TMCC3: variants seen among roughly 807,000 people sequenced by gnomAD.
The protein encoded by TMCC3 is transmembrane and coiled-coil domain family 3, also known as transmembrane and coiled-coil domain protein 3.
A neutral mutation model predicts 40.2 loss-of-function variants in TMCC3; 28 were observed. The ratio of observed to expected loss-of-function variants is 0.70; its 90% confidence interval spans 0.52 to 0.95. TMCC3 has a LOEUF of 0.95. TMCC3 is among the 40% of genes least tolerant of loss of function. The pLI is 0.00. For synonymous variants in TMCC3, 255 were observed against 248.5 expected, an observed-to-expected ratio of 1.03 and a Z score of -0.25; for missense variants, 554 against 615.2, an observed-to-expected ratio of 0.90 and a Z score of 1.05.
intron 1 of TMCC3, chr12:94,644,372 T>C: frequency 1.0e-6 from 1 of 985,388 alleles, no homozygotes; most frequent in Non-Finnish European, 1.2e-6. Context: ...ATTTTCCAAG[T>C]AGGACTAGGT....
chr12:94,630,462 G>A (rs1015791198), intron 1 of TMCC3, among the ~76,000 whole-genome samples: 9 of 152,098 alleles, frequency 5.9e-5, no homozygotes, highest in Non-Finnish European at 1.0e-4. Flanking sequence ...TCAGGTTCTA[G>A]CCTTTTCACT....
At chr12:94,571,758 A>C (rs778850905) in intron 3 of TMCC3, 21 bp from the exon 4 acceptor site, 16 of 1,611,592 alleles carry the variant, frequency 9.9e-6, no homozygotes, top group Non-Finnish European at 1.2e-5. Context: ...GAGGGAGAGC[A>C]AGGGTCAAAC....
At chr12:94,637,765 G>T (rs2068967867) in intron 1 of TMCC3, among the ~76,000 whole-genome samples, 1 of 152,188 alleles carries the variant, frequency 6.6e-6, no homozygotes, top group South Asian at 2.1e-4. Context: ...CATACATGGG[G>T]ATCCTGTGCA....
rs780024833 is a variant in TMCC3 at position 94,582,500 on chromosome 12, C to CAGGG, written c.113_116dup (p.Asn40ProfsTer15). On this transcript the variant is annotated frameshift_variant, in exon 2 of 4. Transcript: ENST00000261226. LOFTEE classifies it high-confidence loss of function. The stretch of plus-strand genomic sequence containing the variant: ...TGTCTGACCCCCCTCGGCGTATGTT[C>CAGGG]AGGGGCAGGCTTAAGGTATTCATGT... The CAGGG allele has an allele frequency of 6.2e-7, 1 of 1,613,306 alleles. No individual in the cohort carries two copies. The highest frequency in any genetic ancestry group is 1.3e-5 in the African/African-American group (1 of 74,880).
At chr12:94,610,463 A>G (rs2068809314) in intron 1 of TMCC3, among the ~76,000 whole-genome samples, 1 of 152,058 alleles carries the variant, frequency 6.6e-6, no homozygotes, top group Non-Finnish European at 1.5e-5. Flanking sequence ...CAAGAGATAT[A>G]AAGAACAGAA....
intron 1 of TMCC3, among the ~76,000 whole-genome samples, chr12:94,596,889 T>C (rs1456357678): frequency 6.6e-6 from 1 of 152,016 alleles, no homozygotes; most frequent in African/African-American, 2.4e-5. Context: ...GAACCACGAA[T>C]GGTTCATGGC....
In TMCC3 at chr12:94,582,529, G is replaced by A. The variant is rs939817867; in HGVS notation, c.88C>T (p.His30Tyr). Residue 30 changes from histidine (H) to tyrosine (Y), a missense_variant, in exon 2 of 4, where the codon CAT (histidine) becomes TAT (tyrosine). Coordinates refer to ENST00000261226, the MANE Select transcript of TMCC3 (RefSeq NM_020698.4). ...GGCAGGCTTAAGGTATTCATGTCAT[G>A]ACGTTCTACCTGAAAGAGACAGGAA... ...HHRCKSRVERHDMNTLSLPLN... is the reference protein window; with the variant it reads ...HHRCKSRVERYDMNTLSLPLN... 1.9e-6 allele frequency: 3 copies of A among 1,600,124 alleles called. No individual in the cohort carries two copies. Among genetic ancestry groups the A allele is most frequent in the Non-Finnish European group, 1.7e-6 (2 of 1,174,290 alleles).
At chr12:94,589,077 C>T (rs1349552199) in intron 1 of TMCC3, among the ~76,000 whole-genome samples, 1 of 152,088 alleles carries the variant, frequency 6.6e-6, no homozygotes, top group Non-Finnish European at 1.5e-5. Flanking sequence ...CCCACATCGG[C>T]CCCCCAAAGT....
chr12:94,644,296 C>T, intron 1 of TMCC3: 1 of 786,920 alleles, frequency 1.3e-6, no homozygotes, highest in East Asian at 1.3e-4. Context: ...CCACTGAAAA[C>T]ATGAAAACAC....
intron 1 of TMCC3, among the ~76,000 whole-genome samples, chr12:94,597,714 G>C (rs557871009): frequency 6.6e-6 from 1 of 152,168 alleles, no homozygotes; most frequent in East Asian, 1.9e-4. Flanking sequence ...GGCTGAGGCA[G>C]GAGAATCGCT....
At chr12:94,640,193 A>G (rs1229699398) in intron 1 of TMCC3, among the ~76,000 whole-genome samples, 1 of 152,208 alleles carries the variant, frequency 6.6e-6, no homozygotes, top group African/African-American at 2.4e-5. Flanking sequence ...TTGTTGAGAC[A>G]GGGTCTCGCC....
At chr12:94,635,660 G>GTTTTTTT (rs63480462) in intron 1 of TMCC3, among the ~76,000 whole-genome samples, 9 of 89,296 alleles carry the variant, frequency 1.0e-4, no homozygotes, top group East Asian at 3.5e-4. Context: ...GTGTATGTGG[G>GTTTTTTT]TTTTTTTTTT....
intron 1 of TMCC3, among the ~76,000 whole-genome samples, chr12:94,643,877 T>C (rs536677323): frequency 3.1e-4 from 47 of 152,340 alleles, no homozygotes; most frequent in Admixed American, 9.1e-4. Flanking sequence ...AGCTCTACCA[T>C]AGTTTCCTAA....
chr12:94,629,601 G>A (rs145157401), intron 1 of TMCC3, among the ~76,000 whole-genome samples: 316 of 152,244 alleles, frequency 2.1e-3, no homozygotes, highest in African/African-American at 7.5e-3. Context: ...TCACGATCGG[G>A]CCTACCCTGC....
At chr12:94,604,950 A>G (rs1325634275) in intron 1 of TMCC3, among the ~76,000 whole-genome samples, 1 of 152,208 alleles carries the variant, frequency 6.6e-6, no homozygotes, top group East Asian at 1.9e-4. Context: ...AGCAAGGAGC[A>G]CATTGTATCT....
intron 1 of TMCC3, among the ~76,000 whole-genome samples, chr12:94,589,273 C>T (rs1445463384): frequency 6.6e-6 from 1 of 152,128 alleles, no homozygotes; most frequent in Non-Finnish European, 1.5e-5. Flanking sequence ...CTATGATATG[C>T]CACCCAGAAT....
chr12:94,644,439 T>C (rs1232928350), intron 1 of TMCC3: 1 of 985,142 alleles, frequency 1.0e-6, no homozygotes, highest in Non-Finnish European at 1.2e-6. Flanking sequence ...TGAAGCAAAA[T>C]ACACCCTGAG....
chr12:94,602,797 T>C (rs12578501), intron 1 of TMCC3, among the ~76,000 whole-genome samples: 35,080 of 151,880 alleles, frequency 0.23, 4,296 homozygotes, highest in Non-Finnish European at 0.26. Context: ...ACTATGGACA[T>C]CCACATAATC....
intron 2 of TMCC3, among the ~76,000 whole-genome samples, chr12:94,580,563 C>G (rs1362023521): frequency 6.6e-6 from 1 of 152,002 alleles, no homozygotes; most frequent in Non-Finnish European, 1.5e-5. Context: ...GGTGAAACCC[C>G]ATCTCTACTA....
Sources: allele counts gnomAD v4.1 joint callset (sites outside exome capture counted in the v4.1 genomes callset), GRCh38; gene constraint gnomAD v4.1.1; transcripts MANE v1.5; gene names NCBI Gene and HGNC (gene_info 2026-07-23, HGNC 2026-07-21).